The following SGCD variants were observed in gnomAD, a reference collection of about 807,000 sequenced individuals.
SGCD encodes the protein sarcoglycan delta.
A neutral mutation model predicts 36.6 loss-of-function variants in SGCD; 18 were observed. The ratio of observed to expected loss-of-function variants is 0.49; its 90% CI spans 0.34 to 0.73. SGCD has a LOEUF of 0.73. SGCD is among the 30% of genes least tolerant of loss of function. The pLI is 0.01. For synonymous variants in SGCD, 133 were observed against 130.6 expected, an observed-to-expected ratio of 1.02 and a Z score of -0.12; for missense variants, 387 against 346.7, an observed-to-expected ratio of 1.12 and a Z score of -0.92.
intron 3 of SGCD, among the ~76,000 whole-genome samples, chr5:156,412,896 C>T (rs1202936987): frequency 1.3e-5 from 2 of 150,652 alleles, no homozygotes; most frequent in African/African-American, 2.4e-5. Context: ...CCCGGGTTCA[C>T]GCCATTCTCC....
chr5:155,788,683 G>A, the SGCD span, among the ~76,000 whole-genome samples: 7,779 of 152,098 alleles, frequency 0.051, 607 homozygotes, highest in African/African-American at 0.17. Context: ...CCTTTTAAGC[G>A]TATGCCAAGT....
intron 7 of SGCD, among the ~76,000 whole-genome samples, chr5:156,651,926 C>T (rs1221647328): frequency 6.6e-6 from 1 of 151,836 alleles, no homozygotes; most frequent in Non-Finnish European, 1.5e-5. Context: ...AATGTTTTCC[C>T]ATTTGTTGTG....
At chr5:156,487,162 C>T (rs1384841179) in intron 3 of SGCD, among the ~76,000 whole-genome samples, 2 of 152,204 alleles carry the variant, frequency 1.3e-5, no homozygotes, top group Admixed American at 6.5e-5. Flanking sequence ...ACTGGGATCC[C>T]TGTCTCAAGC....
intron 2 of SGCD, among the ~76,000 whole-genome samples, chr5:156,120,520 C>A (rs1359342412): frequency 6.6e-6 from 1 of 152,132 alleles, no homozygotes; most frequent in Non-Finnish European, 1.5e-5. Flanking sequence ...TATCCTCTAC[C>A]ATATCCCCAG....
chr5:156,138,243 T>C (rs569588080), intron 3 of SGCD, among the ~76,000 whole-genome samples: 3 of 152,074 alleles, frequency 2.0e-5, no homozygotes, highest in South Asian at 4.2e-4. Flanking sequence ...CTACTAAAAA[T>C]AGAAAAAATT....
chr5:155,861,679 C>T, the SGCD span, among the ~76,000 whole-genome samples: 14,290 of 152,040 alleles, frequency 0.094, 836 homozygotes, highest in South Asian at 0.2. Context: ...GATTGTGCCA[C>T]TGCACTCCAG....
intron 3 of SGCD, among the ~76,000 whole-genome samples, chr5:156,499,579 G>A (rs932188684): frequency 2.0e-5 from 3 of 152,162 alleles, no homozygotes; most frequent in African/African-American, 7.2e-5. Context: ...ACTGCAGAGA[G>A]GAGCAGAAGC....
intron 1 of SGCD, among the ~76,000 whole-genome samples, chr5:155,961,117 A>G (rs888659203): frequency 2.0e-5 from 3 of 152,090 alleles, no homozygotes; most frequent in African/African-American, 7.2e-5. Flanking sequence ...CTGTCAACAT[A>G]TTAGGAATAT....
intron 7 of SGCD, among the ~76,000 whole-genome samples, chr5:156,752,396 CT>C (rs904821445): frequency 3.5e-4 from 54 of 152,130 alleles, no homozygotes; most frequent in Admixed American, 1.9e-3. Flanking sequence ...GTCATTCTTT[CT>C]TTTTTTCCCC....
intron 1 of SGCD, among the ~76,000 whole-genome samples, chr5:155,927,328 T>A (rs111340121): frequency 6.6e-6 from 1 of 152,314 alleles, no homozygotes; most frequent in African/African-American, 2.4e-5. Flanking sequence ...AGTGATTATA[T>A]CATAGGTACT....
chr5:156,488,815 T>G (rs10866739), intron 3 of SGCD, among the ~76,000 whole-genome samples: 116,087 of 152,068 alleles, frequency 0.76, 44,601 homozygotes, highest in African/African-American at 0.84. Flanking sequence ...AAGAGGGGAA[T>G]AATGGAACAA....
chr5:155,843,072 C>A, the SGCD span, among the ~76,000 whole-genome samples: 1 of 152,186 alleles, frequency 6.6e-6, no homozygotes, highest in African/African-American at 2.4e-5. Flanking sequence ...AATCACCTTC[C>A]ACCCTCAAGA....
intron 7 of SGCD, among the ~76,000 whole-genome samples, chr5:156,715,391 A>G (rs1173559815): frequency 6.6e-6 from 1 of 152,182 alleles, no homozygotes; most frequent in Non-Finnish European, 1.5e-5. Context: ...ACAACTGAAA[A>G]GAAAGGTGGA....
rs542673420 is a variant in SGCD, at chr5:156,052,990, C to A, written c.-281-64888C>A. Among the ~76,000 whole-genome samples, 15 of 146,342 alleles carry A rather than the reference C, an allele frequency of 1.0e-4. 1 individual carries two copies. The highest frequency in any genetic ancestry group is 3.2e-4 in the African/African-American group (13 of 40,766). On this transcript the variant is annotated intron_variant, in intron 1 of 9. Transcript: ENST00000517913. ...CCCTGGGGACAGGAAAGTCAATCTT[C>A]CCTTCCCACAGGTCCACTGCCTCGT...
rs148964151 is a variant in SGCD at position 156,008,907 on chromosome 5, C to A, written c.-281-108971C>A. Among the ~76,000 whole-genome samples, 37 of 152,292 alleles carry A rather than the reference C, an allele frequency of 2.4e-4. No individual in the cohort carries two copies. In the East Asian group the frequency reaches 5.4e-3, roughly 22 times the overall value. ...AATGAATTAAATAAAATCTTCAGCA[C>A]ATGTTCAGTCTATATTTATACAAGA... On this transcript the variant is annotated intron_variant, in intron 1 of 9. Coordinates refer to the SGCD transcript ENST00000517913.
chr5:155,793,254 G>A, the SGCD span, among the ~76,000 whole-genome samples: 4 of 152,040 alleles, frequency 2.6e-5, no homozygotes, highest in Non-Finnish European at 5.9e-5. Flanking sequence ...GGACTACTAG[G>A]GAGGCTGGGG....
intron 3 of SGCD, among the ~76,000 whole-genome samples, chr5:156,501,139 T>C (rs1038082865): frequency 6.6e-6 from 1 of 152,170 alleles, no homozygotes; most frequent in Non-Finnish European, 1.5e-5. Flanking sequence ...GAAAATGGTC[T>C]CTAGAATTCA....
intron 3 of SGCD, among the ~76,000 whole-genome samples, chr5:156,235,464 C>A (rs1275392246): frequency 6.6e-6 from 1 of 152,174 alleles, no homozygotes; most frequent in Non-Finnish European, 1.5e-5. Flanking sequence ...AAGGAAATGG[C>A]ACCAGAGAAA....
chr5:156,329,641 C>T, intron 2 of SGCD, 62 bp downstream of exon 2: 4 of 1,494,522 alleles, frequency 2.7e-6, no homozygotes, highest in Non-Finnish European at 3.7e-6. Flanking sequence ...TTATTATTAA[C>T]ATAAACTTTT....
Sources: allele counts gnomAD v4.1 joint callset (sites outside exome capture counted in the v4.1 genomes callset), GRCh38; gene constraint gnomAD v4.1.1; transcripts MANE v1.5; gene names NCBI Gene and HGNC (gene_info 2026-07-23, HGNC 2026-07-21).